CDK6: variants seen among roughly 807,000 people sequenced by gnomAD.
CDK6 encodes the protein cyclin dependent kinase 6, also known as cyclin-dependent kinase 6.
In CDK6, 6 loss-of-function variants were observed where a neutral mutation model predicts 37.1. That is an observed-to-expected ratio of 0.16 (90% CI 0.09 to 0.32). The LOEUF is 0.32. CDK6 is among the 10% of genes least tolerant of loss of function. The pLI, the probability that CDK6 is intolerant of heterozygous loss-of-function variation, is 1.00. For missense variants in CDK6, 224 were observed against 418.9 expected (o/e 0.53, Z 4.06); for synonymous variants, 160 against 161.3 (o/e 0.99, Z 0.06).
At position 92,647,999 on chromosome 7, in the gene CDK6, T is replaced by C. The variant is rs542313718; in HGVS notation, c.647+23427A>G. On this transcript the variant is annotated intron_variant, in intron 5 of 7. Transcript: ENST00000424848. ...GTTTGTTTGCTCTTAAACATGATAA[T>C]AGCTTCTGCTGGGGCAAAGGTAAGG... Among the ~76,000 whole-genome samples, 14 of 152,346 alleles carry C rather than the reference T, an allele frequency of 9.2e-5. No individual in the cohort carries two copies. The East Asian group carries it at 2.3e-3, about 25-fold the overall frequency.
chr7:92,803,644 T>C (rs560263053), intron 2 of CDK6, among the ~76,000 whole-genome samples: 1 of 152,226 alleles, frequency 6.6e-6, no homozygotes, highest in East Asian at 1.9e-4. Context: ...AAAGTCTGGG[T>C]TTGAGATGGT....
chr7:92,653,172 G>A (rs1009000461), intron 5 of CDK6, among the ~76,000 whole-genome samples: 5 of 152,042 alleles, frequency 3.3e-5, no homozygotes, highest in South Asian at 2.1e-4. Flanking sequence ...TGTGCTCCAC[G>A]TCAATCTTTG....
Position 92,660,016 on chromosome 7 carries a change from G to A in CDK6, c.647+11410C>T, listed in dbSNP as rs573125076. Among the ~76,000 whole-genome samples, 3 of 152,306 alleles carry A rather than the reference G, an allele frequency of 2.0e-5. No individual in the cohort carries two copies. The South Asian group carries it at 6.2e-4, about 32-fold the overall frequency. ...ATCTAAGAACTCTGAAGCACAGTTT[G>A]AATTCCATGGATGTGGTATTTCAGC... On this transcript the variant is annotated intron_variant, in intron 5 of 7. Transcript: ENST00000424848.
intron 5 of CDK6, among the ~76,000 whole-genome samples, chr7:92,648,269 G>A (rs187803091): frequency 1.4e-4 from 21 of 152,266 alleles, no homozygotes; most frequent in Admixed American, 1.0e-3. Context: ...TGTGTCTTTT[G>A]CCAGCATTCA....
At chr7:92,632,141 C>T (rs765422958) in intron 5 of CDK6, among the ~76,000 whole-genome samples, 1 of 151,990 alleles carries the variant, frequency 6.6e-6, no homozygotes, top group Non-Finnish European at 1.5e-5. Context: ...TAATTATCAT[C>T]ACCTCTATGC....
intron 3 of CDK6, among the ~76,000 whole-genome samples, chr7:92,739,265 C>T (rs1307133973): frequency 1.3e-5 from 2 of 152,204 alleles, no homozygotes; most frequent in Non-Finnish European, 2.9e-5. Flanking sequence ...AACATTTAGT[C>T]ACATTCTGAG....
At chr7:92,802,587 T>C (rs1800609375) in intron 2 of CDK6, among the ~76,000 whole-genome samples, 1 of 152,230 alleles carries the variant, frequency 6.6e-6, no homozygotes, top group Admixed American at 6.5e-5. Context: ...AGCTATCACA[T>C]GTCTTTTAAA....
chr7:92,711,552 A>ATTTTTTTTTTTTTTTTT (rs11285626), intron 4 of CDK6, among the ~76,000 whole-genome samples: 5 of 56,626 alleles, frequency 8.8e-5, no homozygotes, highest in African/African-American at 4.1e-4. Context: ...GAATGGTCAA[A>ATTTTTTTTTTTTTTTTT]TTTTTTTTTT....
chr7:92,756,690 A>G (rs968044009), intron 3 of CDK6, among the ~76,000 whole-genome samples: 1 of 152,216 alleles, frequency 6.6e-6, no homozygotes, highest in South Asian at 2.1e-4. Flanking sequence ...AACTCTTCCA[A>G]TGCAACATTA....
At chr7:92,641,519 G>T (rs1489522996) in intron 5 of CDK6, among the ~76,000 whole-genome samples, 1 of 151,910 alleles carries the variant, frequency 6.6e-6, no homozygotes, top group Non-Finnish European at 1.5e-5. Context: ...TTACTTTCTG[G>T]TATAACAAGA....
intron 5 of CDK6, among the ~76,000 whole-genome samples, chr7:92,648,944 T>C (rs931371812): frequency 6.6e-5 from 10 of 152,252 alleles, no homozygotes; most frequent in East Asian, 1.9e-4. Context: ...AATTCATAAA[T>C]GTTAAATAAT....
rs762821565 is a variant in CDK6 at position 92,834,831 on chromosome 7, C to T, written c.-367-1141G>A. On this transcript the variant is annotated intron_variant, in intron 1 of 7. Coordinates refer to ENST00000424848, the MANE Select transcript of CDK6 (RefSeq NM_001145306.2). This position sits in a 1 kb window ranked among gnomAD's most constrained non-coding sequence, Gnocchi z 4.6. ...CCCATTCCCCCTCCGGCTAAAGGCC[C>T]GGTCCAGTCTGCAGCCGGACGCCCC... Among the ~76,000 whole-genome samples, 14 of 152,110 alleles carry T rather than the reference C, an allele frequency of 9.2e-5. No homozygotes were observed. Among genetic ancestry groups the T allele is most frequent in the Non-Finnish European group, 2.1e-4 (14 of 68,010 alleles).
chr7:92,693,018 G>A lies in CDK6; in HGVS notation c.538-21483C>T, dbSNP rs536885805. ...TATTTTTTCATCTTTGCTCTTCACG[G>A]GGTACTTCTTGTACCCTTCTCAGTT... On this transcript the variant is annotated intron_variant, in intron 4 of 7. Coordinates refer to ENST00000424848, the MANE Select transcript of CDK6 (RefSeq NM_001145306.2). Among the ~76,000 whole-genome samples, 13 of 152,096 alleles carry A rather than the reference G, an allele frequency of 8.5e-5. No individual in the cohort carries two copies. In the South Asian group the frequency reaches 2.7e-3, roughly 32 times the overall value.
chr7:92,683,526 T>G (rs1797381375), intron 4 of CDK6, among the ~76,000 whole-genome samples: 1 of 152,232 alleles, frequency 6.6e-6, no homozygotes, highest in South Asian at 2.1e-4. Context: ...ATTTGCAGAT[T>G]GTCAGGTGGA....
At chr7:92,643,047 A>C (rs954043496) in intron 5 of CDK6, among the ~76,000 whole-genome samples, 3 of 152,094 alleles carry the variant, frequency 2.0e-5, no homozygotes, top group African/African-American at 7.2e-5. Flanking sequence ...GGCATGTACC[A>C]CCACACCTGA....
intron 5 of CDK6, among the ~76,000 whole-genome samples, chr7:92,640,136 A>T (rs936854652): frequency 6.6e-6 from 1 of 152,204 alleles, no homozygotes; most frequent in Non-Finnish European, 1.5e-5. Context: ...AGCACAAGAG[A>T]GCACGCCGCT....
intron 5 of CDK6, among the ~76,000 whole-genome samples, chr7:92,663,953 A>C (rs1168064573): frequency 6.6e-6 from 1 of 151,924 alleles, no homozygotes; most frequent in Non-Finnish European, 1.5e-5. Flanking sequence ...GGAGATCAAG[A>C]CCACGGTGAA....
intron 4 of CDK6, 95 bp downstream of exon 4, chr7:92,725,531 G>T: frequency 1.5e-6 from 2 of 1,305,880 alleles, no homozygotes; most frequent in Non-Finnish European, 2.1e-6. Context: ...AACTAGTCAT[G>T]GGCAGTACTA....
At chr7:92,788,877 G>A (rs1356991344) in intron 2 of CDK6, among the ~76,000 whole-genome samples, 5 of 152,156 alleles carry the variant, frequency 3.3e-5, no homozygotes, top group Non-Finnish European at 7.4e-5. Context: ...AACACTTTGG[G>A]AGGCCTAGGC....
Sources: gnomAD v4.1 joint callset for allele counts (sites outside exome capture counted in the v4.1 genomes callset) on GRCh38, gnomAD v4.1.1 for gene constraint, Gnocchi (gnomAD v3.1) non-coding constraint, MANE v1.5 for transcripts, NCBI Gene and HGNC (gene_info 2026-07-23, HGNC 2026-07-21) for gene names.